The following NDUFAF6 variants were observed in gnomAD, a reference collection of about 807,000 sequenced individuals.
NDUFAF6 encodes the protein NADH:ubiquinone oxidoreductase complex assembly factor 6, also known as NADH dehydrogenase (ubiquinone) complex I, assembly factor 6.
NDUFAF6 carries 45 observed loss-of-function variants against 40.8 expected under a neutral mutation model. The observed-to-expected ratio is 1.10, with a 90% confidence interval of 0.87 to 1.42. The LOEUF (loss-of-function observed/expected upper bound fraction) is 1.42. Ranked by LOEUF, NDUFAF6 falls within the 40% of genes most tolerant of loss-of-function variation. The probability of loss-of-function intolerance (pLI) is 0.00; values close to 1 mark genes in which losing one functional copy is unlikely to be tolerated. For missense variants in NDUFAF6, 435 were observed against 418.5 expected (o/e 1.04, Z -0.34); for synonymous variants, 185 against 155.9 (o/e 1.19, Z -1.39).
intron 1 of NDUFAF6, among the ~76,000 whole-genome samples, chr8:94,960,397 T>C (rs1210125455): frequency 1.3e-5 from 2 of 151,166 alleles, no homozygotes; most frequent in Non-Finnish European, 1.5e-5. Flanking sequence ...TAGATATGAC[T>C]GGGACTTCCC....
At chr8:95,069,798 T>TATATATATATATAAATATATATATATATA (rs1427272170) in intron 9 of NDUFAF6, among the ~76,000 whole-genome samples, 2 of 142,798 alleles carry the variant, frequency 1.4e-5, no homozygotes, top group East Asian at 3.9e-4. Flanking sequence ...AAAAAAATTA[T>TATATATATATATAAATATATATATATATA]ATATATATAT....
At chr8:95,113,686 A>G (rs1362623197) in intron 4 of NDUFAF6, among the ~76,000 whole-genome samples, 1 of 152,214 alleles carries the variant, frequency 6.6e-6, no homozygotes, top group Non-Finnish European at 1.5e-5. Flanking sequence ...TGCATTGGAC[A>G]AGCAATCTGC....
At chr8:94,931,707 G>A (rs1289985246) in intron 1 of NDUFAF6, among the ~76,000 whole-genome samples, 5 of 152,120 alleles carry the variant, frequency 3.3e-5, no homozygotes, top group Admixed American at 2.6e-4. Context: ...AGGCGCTGTG[G>A]CTCGCTCTTG....
At chr8:95,107,780 T>C (rs1357437990), downstream of NDUFAF6, among the ~76,000 whole-genome samples, 1 of 152,224 alleles carries the variant, frequency 6.6e-6, no homozygotes, top group Non-Finnish European at 1.5e-5. Context: ...CAAGGACATA[T>C]GTAAGGCACA....
intron 2 of NDUFAF6, among the ~76,000 whole-genome samples, chr8:94,982,452 T>G (rs973338087): frequency 1.1e-4 from 16 of 152,220 alleles, no homozygotes; most frequent in Non-Finnish European, 2.4e-4. Flanking sequence ...CAAAATCACT[T>G]AATGATGCAT....
upstream of NDUFAF6, among the ~76,000 whole-genome samples, chr8:95,023,860 G>A (rs1019031859): frequency 6.6e-6 from 1 of 152,058 alleles, no homozygotes; most frequent in Admixed American, 6.5e-5. Flanking sequence ...ACGTGGTGGC[G>A]TGCACCTGTA....
intron 1 of NDUFAF6, among the ~76,000 whole-genome samples, chr8:95,026,591 G>T (rs144505201): frequency 0.011 from 1,616 of 152,274 alleles, 28 homozygotes; most frequent in African/African-American, 0.037. Flanking sequence ...CCAAAATTGT[G>T]AAAAGATTGC....
At chr8:95,057,708 T>G (rs1192022964) in intron 8 of NDUFAF6, 101 bp from the exon 9 acceptor site, 2 of 953,872 alleles carry the variant, frequency 2.1e-6, no homozygotes, top group African/African-American at 1.7e-5. Context: ...TCAGGGAAAC[T>G]AAAATAGCCT....
At chr8:95,055,416 C>CA (rs1348572231) in intron 8 of NDUFAF6, 1 of 151,982 alleles carries the variant, frequency 6.6e-6, no homozygotes, top group Non-Finnish European at 1.5e-5. Flanking sequence ...AATTACACTT[C>CA]ATGTTAGTGT....
intron 1 of NDUFAF6, among the ~76,000 whole-genome samples, chr8:94,918,917 T>G (rs182000849): frequency 2.3e-4 from 35 of 152,360 alleles, no homozygotes; most frequent in African/African-American, 7.9e-4. Context: ...AGTTAAGTTT[T>G]ATTTAAAACC....
intron 1 of NDUFAF6, among the ~76,000 whole-genome samples, chr8:94,913,785 C>T (rs1457147127): frequency 2.6e-5 from 4 of 152,274 alleles, no homozygotes; most frequent in East Asian, 1.9e-4. Flanking sequence ...GGTGACAGAG[C>T]GAGACCTTGT....
chr8:95,002,459 A>G (rs907126935), intron 2 of NDUFAF6, among the ~76,000 whole-genome samples: 34 of 152,204 alleles, frequency 2.2e-4, no homozygotes, highest in African/African-American at 7.5e-4. Flanking sequence ...CACACCTACT[A>G]TGCAGACTTA....
chr8:95,013,458 C>T (rs1827309509), intron 2 of NDUFAF6, among the ~76,000 whole-genome samples: 1 of 152,176 alleles, frequency 6.6e-6, no homozygotes, highest in Admixed American at 6.5e-5. Context: ...TAAATATATA[C>T]ATAAATGACA....
intron 1 of NDUFAF6, among the ~76,000 whole-genome samples, chr8:94,911,746 C>A (rs1818794651): frequency 6.6e-6 from 1 of 152,200 alleles, no homozygotes; most frequent in Admixed American, 6.6e-5. Context: ...AAAGTTCAAG[C>A]TCACCTGGAT....
chr8:94,901,515 G>C (rs1007193365), intron 1 of NDUFAF6, among the ~76,000 whole-genome samples: 5 of 151,714 alleles, frequency 3.3e-5, no homozygotes, highest in African/African-American at 1.2e-4. Flanking sequence ...CAGAGGAACA[G>C]CTATGGCATA....
intron 1 of NDUFAF6, chr8:94,932,053 A>G: frequency 6.2e-7 from 1 of 1,607,150 alleles, no homozygotes; most frequent in Non-Finnish European, 8.5e-7. Flanking sequence ...ACACAGTCTC[A>G]AAGTGAATAT....
At chr8:94,921,231 C>CT (rs1819480849) in intron 1 of NDUFAF6, among the ~76,000 whole-genome samples, 1 of 152,232 alleles carries the variant, frequency 6.6e-6, no homozygotes, top group Non-Finnish European at 1.5e-5. Flanking sequence ...ACTTCCCCCA[C>CT]TTGTGGAGCA....
At chr8:95,089,042 A>T (rs1031493348) in intron 2 of NDUFAF6, among the ~76,000 whole-genome samples, 2 of 151,604 alleles carry the variant, frequency 1.3e-5, no homozygotes, top group Non-Finnish European at 2.9e-5. Context: ...AATTACAGGC[A>T]TGAGCCACCG....
At chr8:94,973,785 C>G (rs551860428) in intron 1 of NDUFAF6, among the ~76,000 whole-genome samples, 1 of 149,770 alleles carries the variant, frequency 6.7e-6, no homozygotes, top group African/African-American at 2.5e-5. Context: ...TTTGGGAGGC[C>G]GAGGTGGAAG....
Sources: gnomAD v4.1 joint callset for allele counts (sites outside exome capture counted in the v4.1 genomes callset) on GRCh38, gnomAD v4.1.1 for gene constraint, MANE v1.5 for transcripts, NCBI Gene and HGNC (gene_info 2026-07-23, HGNC 2026-07-21) for gene names.